The following SYNE2 variants were observed in gnomAD, a reference collection of about 807,000 sequenced individuals.
The protein encoded by SYNE2 is nesprin-2.
In SYNE2, 431 loss-of-function variants were observed where a neutral mutation model predicts 856.3. The observed-to-expected ratio is 0.50, with a 90% confidence interval of 0.47 to 0.55. The LOEUF is 0.55. SYNE2 is among the 20% of genes least tolerant of loss of function. The probability of loss-of-function intolerance (pLI) is 0.00; values close to 1 mark genes in which losing one functional copy is unlikely to be tolerated. For synonymous variants in SYNE2, 2,923 were observed against 2,872.3 expected, an observed-to-expected ratio of 1.02 and a Z score of -0.56; for missense variants, 8,129 against 8,023.2, an observed-to-expected ratio of 1.01 and a Z score of -0.50.
Position 64,209,498 on chromosome 14 carries a change from T to A in SYNE2, c.18460T>A (p.Ser6154Thr). 6.2e-7 allele frequency: 1 copy of A among 1,614,190 alleles called. No individual in the cohort carries two copies. The highest frequency in any genetic ancestry group is 1.7e-5 in the Admixed American group (1 of 60,024). The stretch of plus-strand genomic sequence containing the variant: ...TTCTCGCTTTGAGGACTGGCTCAAG[T>A]CAGCTGAGAGGACGGCAGCCTGCCC... ...DYSRFEDWLK[S>T]AERTAACPNS... Residue 6154 changes from serine to threonine, a missense_variant, in exon 102 of 116, where the codon TCA becomes ACA. Ser to Thr is a moderately conservative substitution (Grantham distance 58, BLOSUM62 1). Transcript: ENST00000555002.
chr14:64,087,594 C>T, intron 57 of SYNE2, 77 bp from the exon 58 acceptor site: 20 of 1,477,716 alleles, frequency 1.4e-5, no homozygotes, highest in Non-Finnish European at 1.9e-5. Context: ...TTTCAATTTT[C>T]TCTGATTTAA....
rs1187387169 is a variant in SYNE2 at position 63,977,992 on chromosome 14, A to C, written c.1381A>C (p.Asn461His). 6 of 1,612,656 alleles carry C rather than the reference A, an allele frequency of 3.7e-6. No homozygotes were observed. Among genetic ancestry groups the C allele is most frequent in the Non-Finnish European group, 5.1e-6 (6 of 1,178,660 alleles). ...AAATCACTTGCCATTGGTACCACCT[A>C]ACAAATTGGAGGAAATGAAAAGACG... ...DENHLPLVPP[N>H]KLEEMKRRIN... Residue 461 changes from asparagine (N) to histidine (H), a missense_variant, in exon 13 of 116, where the codon AAC (asparagine) becomes CAC (histidine). Asn to His is a moderately conservative substitution (Grantham distance 68, BLOSUM62 1). Around this residue, in one of 3 missense-constraint regions of SYNE2, gnomAD observed 2,422 missense variants for 2,357.4 expected, o/e 1.03. Coordinates refer to ENST00000555002, the MANE Select transcript of SYNE2 (RefSeq NM_182914.3).
chr14:64,004,690 C>T (rs749679524), intron 30 of SYNE2, among the ~76,000 whole-genome samples: 1 of 152,142 alleles, frequency 6.6e-6, no homozygotes, highest in East Asian at 1.9e-4. Context: ...CCTTGAGTTC[C>T]GCAGGCTCAG....
At position 64,174,930 on chromosome 14, in the gene SYNE2, C is replaced by A; in HGVS notation, c.17236-14C>A. 1 of 1,611,906 alleles carries A rather than the reference C, an allele frequency of 6.2e-7. No individual in the cohort carries two copies. Among genetic ancestry groups the A allele is most frequent in the South Asian group, 1.1e-5 (1 of 90,998 alleles). ...TCAGAAACCTAAGCAAATTACTTCTCTTTTTTTTCTTAGAATAAAGAAATT... is the reference window on the plus strand; with the variant it reads ...TCAGAAACCTAAGCAAATTACTTCTATTTTTTTTCTTAGAATAAAGAAATT... On this transcript the variant is annotated splice_polypyrimidine_tract_variant and intron_variant, in intron 94 of 115. Transcript: ENST00000555002.
At chr14:64,135,232 A>G (rs1189322046) in intron 78 of SYNE2, among the ~76,000 whole-genome samples, 1 of 152,204 alleles carries the variant, frequency 6.6e-6, no homozygotes, top group Non-Finnish European at 1.5e-5. Context: ...TTGTGCGGCT[A>G]GAGGCAGTTA....
intron 48 of SYNE2, among the ~76,000 whole-genome samples, chr14:64,054,799 T>C (rs1193073814): frequency 1.3e-5 from 2 of 152,212 alleles, no homozygotes; most frequent in African/African-American, 4.8e-5. Flanking sequence ...TGTTTTCAGA[T>C]TGATCACATT....
intron 32 of SYNE2, among the ~76,000 whole-genome samples, chr14:64,015,015 A>T (rs1301646635): frequency 6.9e-6 from 1 of 144,850 alleles, no homozygotes; most frequent in Non-Finnish European, 1.5e-5. Context: ...ATATATGTGT[A>T]TATATGTATA....
At chr14:63,912,198 A>C (rs1051233899) in intron 2 of SYNE2, among the ~76,000 whole-genome samples, 1 of 152,174 alleles carries the variant, frequency 6.6e-6, no homozygotes, top group African/African-American at 2.4e-5. Flanking sequence ...TAAGCTCCAT[A>C]TTGTTATCAG....
In SYNE2 at chr14:64,062,740, TGA is replaced by T; in HGVS notation, c.10068-10_10068-9del. 1 of 1,611,322 alleles carries T rather than the reference TGA, an allele frequency of 6.2e-7. No homozygotes were observed. Among genetic ancestry groups the T allele is most frequent in the Non-Finnish European group, 8.5e-7 (1 of 1,177,554 alleles). ...TTTAATACCACTTTTTTTCTAACTGTGACTCACTAGGTATCTTGAGAATTACA... is the reference window on the plus strand; with the variant it reads ...TTTAATACCACTTTTTTTCTAACTGTCTCACTAGGTATCTTGAGAATTACA... On this transcript the variant is annotated splice_polypyrimidine_tract_variant and intron_variant, in intron 49 of 115. Coordinates refer to ENST00000555002, the MANE Select transcript of SYNE2 (RefSeq NM_182914.3).
chr14:64,030,988 G>A, intron 44 of SYNE2, 28 bp from the exon 45 acceptor site: 2 of 1,528,992 alleles, frequency 1.3e-6, no homozygotes, highest in Non-Finnish European at 1.8e-6. Context: ...ATTGAATGGA[G>A]ATATAACAAT....
intron 1 of SYNE2, among the ~76,000 whole-genome samples, chr14:63,862,335 G>A (rs888685320): frequency 3.3e-5 from 5 of 152,190 alleles, no homozygotes; most frequent in African/African-American, 1.2e-4. Flanking sequence ...AGGTGGGAGT[G>A]CAGCGTGGTG....
At chr14:63,936,824 C>T (rs531836211) in intron 2 of SYNE2, among the ~76,000 whole-genome samples, 5 of 152,232 alleles carry the variant, frequency 3.3e-5, no homozygotes, top group South Asian at 4.2e-4. Flanking sequence ...AGGAATCTGT[C>T]GCAGTAACCC....
At chr14:63,865,529 A>G (rs949776410) in intron 1 of SYNE2, among the ~76,000 whole-genome samples, 8 of 151,814 alleles carry the variant, frequency 5.3e-5, no homozygotes, top group Non-Finnish European at 8.8e-5. Context: ...GCTGGAGGCT[A>G]CTCCCAAGTG....
intron 1 of SYNE2, among the ~76,000 whole-genome samples, chr14:63,829,185 G>A (rs763897263): frequency 2.0e-5 from 3 of 152,074 alleles, no homozygotes; most frequent in Non-Finnish European, 4.4e-5. Context: ...GGTCGAGGTG[G>A]GAGGATCGTT....
intron 61 of SYNE2, among the ~76,000 whole-genome samples, chr14:64,096,407 A>G (rs184161934): frequency 9.1e-4 from 138 of 152,338 alleles, no homozygotes; most frequent in African/African-American, 2.8e-3. Flanking sequence ...TATTATGAAA[A>G]TGATCTGGAC....
Position 64,089,585 on chromosome 14 carries a change from T to C in SYNE2, c.11682T>C (p.Ala3894=). The C allele has an allele frequency of 1.2e-6, 2 of 1,609,836 alleles. No individual in the cohort carries two copies. The highest frequency in any genetic ancestry group is 1.7e-6 in the Non-Finnish European group (2 of 1,177,016). The change falls in exon 59 of 116, where the codon GCT becomes GCC. Residue 3894 remains alanine, a synonymous_variant. Coordinates refer to ENST00000555002, the MANE Select transcript of SYNE2 (RefSeq NM_182914.3). ...QIQRMADDVV[A]IESEVKSMEK... ...TTCTGAAATTCTAGGATGTGGTTGC[T>C]ATTGAATCTGAAGTAAAATCAATGG...
intron 45 of SYNE2, among the ~76,000 whole-genome samples, chr14:64,032,355 G>A (rs112098497): frequency 2.1e-4 from 32 of 152,084 alleles, no homozygotes; most frequent in African/African-American, 6.7e-4. Flanking sequence ...AGGATCCCTT[G>A]AGACCAGGCT....
chr14:64,032,622 G>T (rs1250482353), intron 45 of SYNE2, among the ~76,000 whole-genome samples: 2 of 151,104 alleles, frequency 1.3e-5, no homozygotes, highest in African/African-American at 4.9e-5. Flanking sequence ...GCCCTGGCTG[G>T]AGTGCAATGG....
intron 2 of SYNE2, among the ~76,000 whole-genome samples, chr14:63,920,023 C>T (rs1376734350): frequency 5.7e-5 from 7 of 122,912 alleles, no homozygotes; most frequent in African/African-American, 1.5e-4. Flanking sequence ...TTTCTTGTTA[C>T]GCTTTTCTTA....
Sources: allele counts gnomAD v4.1 joint callset (sites outside exome capture counted in the v4.1 genomes callset), GRCh38; gene constraint gnomAD v4.1.1; regional missense constraint gnomAD v4.1.1; transcripts MANE v1.5; gene names NCBI Gene and HGNC (gene_info 2026-07-23, HGNC 2026-07-21).